LIN54: variants seen among roughly 807,000 people sequenced by gnomAD.
The protein encoded by LIN54 is lin-54 DREAM MuvB core complex component, also known as protein lin-54 homolog.
A neutral mutation model predicts 78.7 loss-of-function variants in LIN54; 9 were observed. The observed-to-expected ratio is 0.11, with a 90% CI of 0.07 to 0.20. The LOEUF is 0.20. LIN54 is among the 10% of genes least tolerant of loss of function. LIN54 has a pLI of 1.00. For missense variants in LIN54, 573 were observed against 889.9 expected (o/e 0.64, Z 4.53); for synonymous variants, 269 against 318.4 (o/e 0.84, Z 1.65).
intron 2 of LIN54, among the ~76,000 whole-genome samples, chr4:82,983,181 G>T (rs1226523329): frequency 6.6e-6 from 1 of 151,834 alleles, no homozygotes; most frequent in Non-Finnish European, 1.5e-5. Context: ...CTAATTTTTT[G>T]TATTTTTAGT....
chr4:82,966,674 A>T (rs1725229590), intron 4 of LIN54, among the ~76,000 whole-genome samples: 1 of 152,102 alleles, frequency 6.6e-6, no homozygotes, highest in Admixed American at 6.5e-5. Flanking sequence ...GCTGGAGTGC[A>T]GTGGCACAAT....
At chr4:83,004,837 TAA>T (rs1415298842) in intron 1 of LIN54, among the ~76,000 whole-genome samples, 1 of 152,208 alleles carries the variant, frequency 6.6e-6, no homozygotes, top group African/African-American at 2.4e-5. Context: ...TCCATCACCC[TAA>T]GTTTAATTTT....
At chr4:82,947,235 A>ATATATATATTTTTTTTTTT in intron 4 of LIN54, among the ~76,000 whole-genome samples, 3 of 44,284 alleles carry the variant, frequency 6.8e-5, no homozygotes, top group African/African-American at 3.0e-4. Context: ...ATATATATAT[A>ATATATATATTTTTTTTTTT]TTTTTTTTTT....
intron 4 of LIN54, among the ~76,000 whole-genome samples, chr4:82,954,399 ATTATTTAT>A (rs10523473): frequency 3.2e-4 from 47 of 145,382 alleles, no homozygotes; most frequent in Admixed American, 1.1e-3. Flanking sequence ...TTTATATGAG[ATTATTTAT>A]TTATTTATTT....
chr4:82,986,856 T>A (rs1022452222), intron 1 of LIN54, among the ~76,000 whole-genome samples: 3 of 152,206 alleles, frequency 2.0e-5, no homozygotes, highest in Non-Finnish European at 2.9e-5. Context: ...ATTTAATTTA[T>A]CCTCACAACA....
intron 11 of LIN54, among the ~76,000 whole-genome samples, chr4:82,934,622 A>G (rs913470544): frequency 6.6e-6 from 1 of 152,214 alleles, no homozygotes; most frequent in Non-Finnish European, 1.5e-5. Flanking sequence ...CACATGCTGT[A>G]TGGGAGAGGG....
intron 1 of LIN54, among the ~76,000 whole-genome samples, chr4:82,985,465 C>T (rs72925288): frequency 0.016 from 2,436 of 152,288 alleles, 71 homozygotes; most frequent in African/African-American, 0.055. Context: ...ACAACTTTGA[C>T]CAACTAGCTT....
intron 1 of LIN54, among the ~76,000 whole-genome samples, chr4:83,002,427 A>AGGAG (rs1206022450): frequency 8.8e-6 from 1 of 113,686 alleles, no homozygotes; most frequent in Admixed American, 1.1e-4. Flanking sequence ...AGGGATAGAA[A>AGGAG]GGAGGGAGGG....
chr4:82,943,963 G>A (rs1187417791), intron 5 of LIN54, among the ~76,000 whole-genome samples: 2 of 150,726 alleles, frequency 1.3e-5, no homozygotes, highest in Non-Finnish European at 2.9e-5. Context: ...CTGCCTCCCG[G>A]GTTCAAGTGA....
At chr4:82,968,403 A>T (rs1725395345) in intron 4 of LIN54, among the ~76,000 whole-genome samples, 1 of 152,040 alleles carries the variant, frequency 6.6e-6, no homozygotes, top group Non-Finnish European at 1.5e-5. Context: ...TCAGGTATAA[A>T]CCATATACCA....
At chr4:83,005,380 G>A (rs1476122582) in intron 1 of LIN54, among the ~76,000 whole-genome samples, 3 of 152,130 alleles carry the variant, frequency 2.0e-5, no homozygotes, top group Non-Finnish European at 4.4e-5. Flanking sequence ...GCTCACGCCT[G>A]TAATCCCAAC....
At chr4:82,974,830 G>A (rs1726025542) in intron 3 of LIN54, among the ~76,000 whole-genome samples, 1 of 149,642 alleles carries the variant, frequency 6.7e-6, no homozygotes, top group Admixed American at 6.7e-5. Flanking sequence ...CTGCACTCCA[G>A]CCTGAGTGAC....
chr4:82,949,700 G>A (rs1723699061), intron 4 of LIN54, among the ~76,000 whole-genome samples: 1 of 151,760 alleles, frequency 6.6e-6, no homozygotes, highest in Non-Finnish European at 1.5e-5. Context: ...CCCAGCCTGA[G>A]TTTTTTATAA....
chr4:82,960,948 T>C (rs1008135029), intron 4 of LIN54, among the ~76,000 whole-genome samples: 16 of 152,040 alleles, frequency 1.1e-4, no homozygotes, highest in Non-Finnish European at 2.9e-5. Context: ...TATTCCCAGC[T>C]ACTCAGGAGG....
chr4:83,008,941 G>A (rs374664809), intron 1 of LIN54, among the ~76,000 whole-genome samples: 1 of 152,076 alleles, frequency 6.6e-6, no homozygotes, highest in East Asian at 1.9e-4. Flanking sequence ...AAAATTCTTA[G>A]TCTTACTACT....
intron 2 of LIN54, among the ~76,000 whole-genome samples, chr4:82,979,994 T>TGGAGTG (rs1392400901): frequency 6.7e-6 from 1 of 148,250 alleles, no homozygotes; most frequent in Non-Finnish European, 1.5e-5. Flanking sequence ...TCACCCAGAC[T>TGGAGTG]GGAGTGCAGT....
intron 5 of LIN54, among the ~76,000 whole-genome samples, chr4:82,941,033 A>C (rs1054617973): frequency 1.3e-5 from 2 of 152,096 alleles, no homozygotes; most frequent in Non-Finnish European, 2.9e-5. Context: ...AGGAAAACTA[A>C]AGCACTAGAC....
At chr4:83,012,054 G>A, upstream of LIN54, 1 of 985,250 alleles carries the variant, frequency 1.0e-6, no homozygotes, top group Non-Finnish European at 1.2e-6. Context: ...AAAGTCGGTA[G>A]ATTCAGCCTT....
chr4:82,982,930 T>C (rs1268685048), intron 2 of LIN54, among the ~76,000 whole-genome samples: 1 of 152,138 alleles, frequency 6.6e-6, no homozygotes, highest in Non-Finnish European at 1.5e-5. Flanking sequence ...CTATTATTTC[T>C]ATGCATTCAA....
Sources: allele counts gnomAD v4.1 joint callset (sites outside exome capture counted in the v4.1 genomes callset), GRCh38; gene constraint gnomAD v4.1.1; transcripts MANE v1.5; gene names NCBI Gene and HGNC (gene_info 2026-07-23, HGNC 2026-07-21).